Variants in VWC2L observed in about 807,000 individuals in gnomAD.
VWC2L encodes von Willebrand factor C domain-containing protein 2-like.
A neutral mutation model predicts 21.6 loss-of-function variants in VWC2L; 10 were observed. That is an observed-to-expected ratio of 0.46 (90% CI 0.29 to 0.78). The LOEUF (loss-of-function observed/expected upper bound fraction) is 0.78, where lower values mean the gene tolerates loss of function less well. Ranked by LOEUF, VWC2L falls within the 30% of genes least tolerant of loss-of-function variation. The pLI is 0.10. For synonymous variants in VWC2L, 96 were observed against 94.3 expected, an observed-to-expected ratio of 1.02 and a Z score of -0.10; for missense variants, 209 against 277.1, an observed-to-expected ratio of 0.75 and a Z score of 1.74.
intron 3 of VWC2L, among the ~76,000 whole-genome samples, chr2:214,515,865 G>A (rs748214875): frequency 9.9e-5 from 15 of 152,120 alleles, no homozygotes; most frequent in Admixed American, 4.6e-4. Context: ...GTGAGCCACC[G>A]TGCCCTGGCC....
At chr2:214,430,155 T>A (rs1454428326) in intron 2 of VWC2L, among the ~76,000 whole-genome samples, 1 of 150,510 alleles carries the variant, frequency 6.6e-6, no homozygotes. Flanking sequence ...AAAAAAAAAA[T>A]AGAACATTGA....
intron 3 of VWC2L, among the ~76,000 whole-genome samples, chr2:214,499,009 C>CTTTTT (rs56085205): frequency 1.1e-4 from 9 of 83,422 alleles, no homozygotes; most frequent in African/African-American, 3.6e-4. Context: ...TCGTACCATT[C>CTTTTT]TTTTTTTTTT....
intron 3 of VWC2L, among the ~76,000 whole-genome samples, chr2:214,531,363 T>C (rs1295695551): frequency 1.3e-5 from 2 of 152,192 alleles, no homozygotes; most frequent in African/African-American, 4.8e-5. Context: ...AAGTAACAAA[T>C]GCTTTTTAGA....
chr2:214,539,336 G>A (rs750181279), intron 3 of VWC2L, among the ~76,000 whole-genome samples: 5 of 152,104 alleles, frequency 3.3e-5, no homozygotes, highest in Admixed American at 1.3e-4. Context: ...CACTTTTCAC[G>A]ATTTCATTCC....
chr2:214,558,977 C>T (rs895979930), intron 3 of VWC2L, among the ~76,000 whole-genome samples: 1 of 151,396 alleles, frequency 6.6e-6, no homozygotes, highest in Non-Finnish European at 1.5e-5. Flanking sequence ...CCCACTAACT[C>T]GTCATCTAGC....
chr2:214,561,425 T>C (rs1689968811), intron 3 of VWC2L, among the ~76,000 whole-genome samples: 1 of 152,298 alleles, frequency 6.6e-6, no homozygotes, highest in East Asian at 1.9e-4. Context: ...ATGTAATTTT[T>C]TGTGTCTAGT....
At chr2:214,486,618 G>T (rs1688675906) in intron 3 of VWC2L, among the ~76,000 whole-genome samples, 1 of 152,136 alleles carries the variant, frequency 6.6e-6, no homozygotes, top group Admixed American at 6.5e-5. Context: ...ACATGCCAGA[G>T]GAATGGAGGA....
At chr2:214,541,912 G>GT (rs60542340) in intron 3 of VWC2L, among the ~76,000 whole-genome samples, 4,259 of 148,244 alleles carry the variant, frequency 0.029, 176 homozygotes, top group African/African-American at 0.094. Flanking sequence ...ACTGTTTACT[G>GT]TTTTTTTTTT....
intron 3 of VWC2L, among the ~76,000 whole-genome samples, chr2:214,451,173 C>A (rs910183453): frequency 2.0e-5 from 3 of 151,914 alleles, no homozygotes; most frequent in African/African-American, 7.3e-5. Flanking sequence ...GGACTGGGAC[C>A]CGCATTCTAT....
intron 2 of VWC2L, among the ~76,000 whole-genome samples, chr2:214,432,118 TAATGAACACAGATG>T (rs1165140487): frequency 6.6e-6 from 1 of 152,164 alleles, no homozygotes; most frequent in Non-Finnish European, 1.5e-5. Context: ...TTTTCACGCA[TAATGAACACAGATG>T]AAGCCGCCCA....
intron 3 of VWC2L, among the ~76,000 whole-genome samples, chr2:214,521,423 T>C (rs763951801): frequency 1.3e-5 from 2 of 152,178 alleles, no homozygotes; most frequent in African/African-American, 2.4e-5. Flanking sequence ...GTATTTAAAC[T>C]CTAGCTTAAC....
At chr2:214,459,142 TG>T (rs1235425048) in intron 3 of VWC2L, among the ~76,000 whole-genome samples, 2 of 152,332 alleles carry the variant, frequency 1.3e-5, no homozygotes, top group East Asian at 1.9e-4. Context: ...GTTGCTGAAT[TG>T]ATCTCTTTAT....
chr2:214,478,549 A>C (rs191035675), intron 3 of VWC2L, among the ~76,000 whole-genome samples: 15 of 152,280 alleles, frequency 9.9e-5, no homozygotes, highest in Non-Finnish European at 2.1e-4. Context: ...AGAGACAAGT[A>C]ACTTGAATTA....
At chr2:214,466,043 C>T (rs1703211531) in intron 3 of VWC2L, among the ~76,000 whole-genome samples, 1 of 152,112 alleles carries the variant, frequency 6.6e-6, no homozygotes, top group Admixed American at 6.6e-5. Context: ...AGCTGTCTTT[C>T]CTACCTCTTC....
intron 3 of VWC2L, among the ~76,000 whole-genome samples, chr2:214,561,875 A>C (rs1443611031): frequency 6.7e-6 from 1 of 150,176 alleles, no homozygotes; most frequent in Non-Finnish European, 1.5e-5. Flanking sequence ...TCTAAATTTA[A>C]TATATCAAAA....
chr2:214,431,130 G>A (rs780318885), intron 2 of VWC2L, among the ~76,000 whole-genome samples: 2 of 152,178 alleles, frequency 1.3e-5, no homozygotes, highest in African/African-American at 2.4e-5. Context: ...TACGGGAGTG[G>A]CAGTGGATGC....
intron 3 of VWC2L, among the ~76,000 whole-genome samples, chr2:214,486,723 A>G (rs1007821073): frequency 2.0e-5 from 3 of 152,096 alleles, no homozygotes; most frequent in Non-Finnish European, 2.9e-5. Context: ...CAACTTTTCC[A>G]TCCTATCACT....
intron 3 of VWC2L, among the ~76,000 whole-genome samples, chr2:214,446,437 T>C (rs1702839216): frequency 6.6e-6 from 1 of 152,218 alleles, no homozygotes; most frequent in South Asian, 2.1e-4. Flanking sequence ...ATGTTTATAT[T>C]CTCTTATACC....
At chr2:214,453,386 T>C (rs1703005479) in intron 3 of VWC2L, among the ~76,000 whole-genome samples, 1 of 152,244 alleles carries the variant, frequency 6.6e-6, no homozygotes, top group Admixed American at 6.5e-5. Flanking sequence ...TCTATGCTTA[T>C]ATACAAATGC....
Sources: gnomAD v4.1 joint callset for allele counts (sites outside exome capture counted in the v4.1 genomes callset) on GRCh38, gnomAD v4.1.1 for gene constraint, MANE v1.5 for transcripts, NCBI Gene and HGNC (gene_info 2026-07-23, HGNC 2026-07-21) for gene names.